The following REDIC1 variants were observed in gnomAD, a reference collection of about 807,000 sequenced individuals.
The protein encoded by REDIC1 is HEI10 Interacting Protein 1.
chr12:39,794,965 CCTT>C, the REDIC1 span, among the ~76,000 whole-genome samples: 2 of 152,132 alleles, frequency 1.3e-5, no homozygotes, highest in East Asian at 1.9e-4. Context: ...AAGATTTTCT[CCTT>C]CTCTTTGCTG....
chr12:39,760,011 A>G, the REDIC1 span: 3 of 1,596,576 alleles, frequency 1.9e-6, no homozygotes, highest in Non-Finnish European at 2.6e-6. Context: ...AACTAAATAT[A>G]TGAGCAGCTG....
At chr12:39,657,538 TAC>T in the REDIC1 span, among the ~76,000 whole-genome samples, 10 of 152,232 alleles carry the variant, frequency 6.6e-5, no homozygotes, top group Admixed American at 6.5e-4. Flanking sequence ...GTATTTTTAT[TAC>T]AGTTTTAAGT....
the REDIC1 span, chr12:39,716,881 T>C: frequency 1.5e-6 from 2 of 1,294,444 alleles, no homozygotes; most frequent in Non-Finnish European, 2.1e-6. Flanking sequence ...GCTATATTAA[T>C]AATTATTTGT....
chr12:39,826,602 GA>G, the REDIC1 span, among the ~76,000 whole-genome samples: 5 of 147,922 alleles, frequency 3.4e-5, no homozygotes, highest in Admixed American at 6.7e-5. Flanking sequence ...ATTTCTTTCT[GA>G]AAAAAAATAA....
the REDIC1 span, among the ~76,000 whole-genome samples, chr12:39,814,975 C>T: frequency 6.6e-6 from 1 of 151,694 alleles, no homozygotes; most frequent in East Asian, 1.9e-4. Context: ...ATTCTTCTTA[C>T]ACTTTTTTTT....
the REDIC1 span, among the ~76,000 whole-genome samples, chr12:39,774,429 A>G: frequency 6.6e-6 from 1 of 152,226 alleles, no homozygotes; most frequent in African/African-American, 2.4e-5. Flanking sequence ...ATAATCTAAA[A>G]TGAAATAAAC....
the REDIC1 span, chr12:39,760,200 A>G: frequency 6.8e-6 from 11 of 1,612,734 alleles, no homozygotes; most frequent in African/African-American, 5.3e-5. Context: ...GAAGACAGCC[A>G]TAGATGAAAA....
At chr12:39,707,118 G>C in the REDIC1 span, among the ~76,000 whole-genome samples, 1 of 151,820 alleles carries the variant, frequency 6.6e-6, no homozygotes, top group Non-Finnish European at 1.5e-5. Flanking sequence ...TACCTATCTG[G>C]CAAGGGATTA....
At chr12:39,695,639 A>T in the REDIC1 span, among the ~76,000 whole-genome samples, 1 of 152,158 alleles carries the variant, frequency 6.6e-6, no homozygotes, top group African/African-American at 2.4e-5. Context: ...CCCAGTTCTG[A>T]GACAGCACTT....
At chr12:39,726,257 A>G in the REDIC1 span, among the ~76,000 whole-genome samples, 1 of 151,778 alleles carries the variant, frequency 6.6e-6, no homozygotes, top group African/African-American at 2.4e-5. Context: ...GGTTTGCTGC[A>G]CCCATCAACC....
chr12:39,835,190 G>A, the REDIC1 span, among the ~76,000 whole-genome samples: 2 of 152,042 alleles, frequency 1.3e-5, no homozygotes, highest in South Asian at 4.1e-4. Flanking sequence ...CTTCCACAGT[G>A]TGACCTGGAC....
the REDIC1 span, among the ~76,000 whole-genome samples, chr12:39,700,747 ACT>A: frequency 7.9e-5 from 12 of 151,782 alleles, no homozygotes; most frequent in Non-Finnish European, 1.6e-4. Flanking sequence ...CTCAGCAGAA[ACT>A]CTACAAGCCA....
At chr12:39,710,562 A>ACACATTCTTTTCCCTCTATCC in the REDIC1 span, among the ~76,000 whole-genome samples, 1 of 151,822 alleles carries the variant, frequency 6.6e-6, no homozygotes, top group Admixed American at 6.6e-5. Flanking sequence ...AGAAATATTT[A>ACACATTCTTTTCCCTCTATCC]CACATTCTTT....
the REDIC1 span, among the ~76,000 whole-genome samples, chr12:39,737,856 T>G: frequency 1.9e-4 from 29 of 152,214 alleles, no homozygotes; most frequent in Admixed American, 1.9e-3. Flanking sequence ...AACTTATGCC[T>G]TGCTTGTCCC....
chr12:39,798,771 C>A, the REDIC1 span, among the ~76,000 whole-genome samples: 1 of 152,002 alleles, frequency 6.6e-6, no homozygotes, highest in Non-Finnish European at 1.5e-5. Flanking sequence ...CTTTTACATT[C>A]CTTTAGTACT....
the REDIC1 span, among the ~76,000 whole-genome samples, chr12:39,697,065 A>T: frequency 1.3e-5 from 2 of 152,100 alleles, no homozygotes; most frequent in Non-Finnish European, 2.9e-5. Context: ...ACCTCAAGGC[A>T]TTTAATAAAC....
the REDIC1 span, among the ~76,000 whole-genome samples, chr12:39,768,325 T>C: frequency 6.6e-6 from 1 of 152,146 alleles, no homozygotes; most frequent in African/African-American, 2.4e-5. Context: ...GCAATAAGGC[T>C]GTTTCACTTT....
At chr12:39,866,324 CTG>C in the REDIC1 span, among the ~76,000 whole-genome samples, 1 of 152,150 alleles carries the variant, frequency 6.6e-6, no homozygotes, top group African/African-American at 2.4e-5. Context: ...GATCAGATGA[CTG>C]TAGTTTTTAG....
chr12:39,692,005 A>T, the REDIC1 span: 1 of 1,479,274 alleles, frequency 6.8e-7, no homozygotes, highest in Non-Finnish European at 9.2e-7. Flanking sequence ...AGTGAATATT[A>T]TTATGTATAC....
Sources: gnomAD v4.1 joint callset for allele counts (sites outside exome capture counted in the v4.1 genomes callset) on GRCh38, gnomAD v4.1.1 for gene constraint, MANE v1.5 for transcripts, NCBI Gene and HGNC (gene_info 2026-07-23, HGNC 2026-07-21) for gene names.